Variants in PHF24 observed in about 807,000 individuals in gnomAD.
PHF24 encodes the protein Galpha inhibitory interacting protein.
Under a neutral mutation model 42.6 loss-of-function variants are expected in PHF24, and 25 were observed. The observed-to-expected ratio is 0.59, with a 90% CI of 0.43 to 0.82. PHF24 has a LOEUF of 0.82. Among genes scored for constraint, PHF24 ranks in the 40% least tolerant of loss-of-function variants. PHF24 has a pLI of 0.00. For synonymous variants in PHF24, 185 were observed against 204.8 expected (o/e 0.90, Z 0.83); for missense variants, 470 against 538.1 (o/e 0.87, Z 1.25).
chr9:34,971,081 T>A (rs940351570), intron 1 of PHF24, among the ~76,000 whole-genome samples: 1 of 151,910 alleles, frequency 6.6e-6, no homozygotes, highest in Non-Finnish European at 1.5e-5. Flanking sequence ...TAAGACCTCA[T>A]CTCTAATAAA....
the PHF24 span, among the ~76,000 whole-genome samples, chr9:34,773,925 G>C: frequency 2.6e-5 from 4 of 152,150 alleles, no homozygotes; most frequent in Non-Finnish European, 5.9e-5. Context: ...AAATAGCATT[G>C]GGTAAAAACT....
At chr9:34,940,351 G>A in the PHF24 span, among the ~76,000 whole-genome samples, 2 of 151,652 alleles carry the variant, frequency 1.3e-5, no homozygotes, top group Non-Finnish European at 2.9e-5. Context: ...GTAAGAGAGT[G>A]TGCCTCTGAC....
At chr9:34,803,506 G>A in the PHF24 span, among the ~76,000 whole-genome samples, 1 of 152,134 alleles carries the variant, frequency 6.6e-6, no homozygotes, top group Non-Finnish European at 1.5e-5. Flanking sequence ...AGGCATGACT[G>A]TGAAAACAGG....
chr9:34,849,345 C>A, the PHF24 span, among the ~76,000 whole-genome samples: 1 of 152,146 alleles, frequency 6.6e-6, no homozygotes, highest in Non-Finnish European at 1.5e-5. Context: ...GATCCCTTTC[C>A]CATTATGTAA....
the PHF24 span, among the ~76,000 whole-genome samples, chr9:34,936,819 G>A: frequency 6.6e-6 from 1 of 151,378 alleles, no homozygotes; most frequent in Non-Finnish European, 1.5e-5. Flanking sequence ...GAAGTGAGGA[G>A]ACCCTCTGCC....
the PHF24 span, among the ~76,000 whole-genome samples, chr9:34,820,428 C>T: frequency 4.6e-5 from 7 of 152,046 alleles, no homozygotes; most frequent in African/African-American, 1.7e-4. Context: ...TTGTTTCCTT[C>T]TTTGTGTCCA....
At chr9:34,675,559 T>C in the PHF24 span, among the ~76,000 whole-genome samples, 1 of 152,180 alleles carries the variant, frequency 6.6e-6, no homozygotes, top group African/African-American at 2.4e-5. Context: ...GGTGGAACAT[T>C]GCACAGAACT....
At chr9:34,894,424 AAAG>A in the PHF24 span, 1 of 398,606 alleles carries the variant, frequency 2.5e-6, no homozygotes, top group Non-Finnish European at 4.4e-6. Flanking sequence ...GGGAGACTGC[AAAG>A]AAGAAGAGAT....
chr9:34,810,365 G>A, the PHF24 span, among the ~76,000 whole-genome samples: 1 of 152,304 alleles, frequency 6.6e-6, no homozygotes, highest in Middle Eastern at 3.4e-3. Flanking sequence ...ATGAAGACCC[G>A]CTGTGGGAAT....
the PHF24 span, among the ~76,000 whole-genome samples, chr9:34,803,297 G>T: frequency 6.6e-6 from 1 of 151,690 alleles, no homozygotes; most frequent in African/African-American, 2.4e-5. Context: ...GGAATATTTA[G>T]TATGTTCTAA....
the PHF24 span, among the ~76,000 whole-genome samples, chr9:34,913,401 T>A: frequency 6.6e-6 from 1 of 152,198 alleles, no homozygotes; most frequent in Non-Finnish European, 1.5e-5. Context: ...GGAAATTGCT[T>A]GATTTCATTT....
At chr9:34,965,364 A>G (rs1457164371) in intron 1 of PHF24, among the ~76,000 whole-genome samples, 1 of 152,238 alleles carries the variant, frequency 6.6e-6, no homozygotes, top group Non-Finnish European at 1.5e-5. Context: ...AAATGACTTG[A>G]TGGTCTTGTT....
At chr9:34,938,668 G>A in the PHF24 span, among the ~76,000 whole-genome samples, 1 of 152,088 alleles carries the variant, frequency 6.6e-6, no homozygotes, top group African/African-American at 2.4e-5. Context: ...AGTGGCTCAC[G>A]CCTGTAATCC....
At chr9:34,709,808 G>A in the PHF24 span, 12 of 1,614,096 alleles carry the variant, frequency 7.4e-6, no homozygotes, top group South Asian at 1.2e-4. Flanking sequence ...CCTAAGCTTG[G>A]TTCCTGCTTC....
the PHF24 span, among the ~76,000 whole-genome samples, chr9:34,703,198 G>A: frequency 1.3e-5 from 2 of 150,770 alleles, no homozygotes; most frequent in East Asian, 3.9e-4. Flanking sequence ...TTTTTGAGAC[G>A]GAGTCTTGCT....
chr9:34,867,075 A>C, the PHF24 span, among the ~76,000 whole-genome samples: 1 of 152,250 alleles, frequency 6.6e-6, no homozygotes, highest in Non-Finnish European at 1.5e-5. Context: ...AAATTATGGC[A>C]TGATCTTCAG....
rs1242128047 is a variant in PHF24 at position 34,971,665 on chromosome 9, C to A, written c.367C>A (p.Pro123Thr). Residue 123 changes from proline to threonine, a missense_variant, in exon 2 of 8, where the codon CCC becomes ACC. Physicochemically the swap from Pro to Thr is conservative, Grantham distance 38. Transcript: ENST00000242315. ...CAAACCTCCAGAAATCTGCCTGGAG[C>A]CCAGAGAGCCTGTGAGTATCCAGTT... The A allele has an allele frequency of 1.9e-6, 3 of 1,609,152 alleles. No homozygotes were observed. The South Asian group carries it at 3.3e-5, about 18-fold the overall frequency.
chr9:34,906,674 A>G, the PHF24 span, among the ~76,000 whole-genome samples: 1 of 151,110 alleles, frequency 6.6e-6, no homozygotes, highest in South Asian at 2.1e-4. Flanking sequence ...GCTGCCTCAG[A>G]ATCAAGATCC....
chr9:34,689,934 G>T, the PHF24 span: 1 of 1,614,134 alleles, frequency 6.2e-7, no homozygotes, highest in Non-Finnish European at 8.5e-7. This position sits in a 1 kb window ranked among gnomAD's most constrained non-coding sequence, Gnocchi z 4.1. Context: ...GCTTGCCTTG[G>T]CTGAGGTCCT....
Sources: gnomAD v4.1 joint callset for allele counts (sites outside exome capture counted in the v4.1 genomes callset) on GRCh38, gnomAD v4.1.1 for gene constraint, Gnocchi (gnomAD v3.1) non-coding constraint, MANE v1.5 for transcripts, NCBI Gene and HGNC (gene_info 2026-07-23, HGNC 2026-07-21) for gene names.